Variants in CPNE5 observed in about 807,000 individuals in gnomAD.
CPNE5 encodes copine-5.
CPNE5 carries 42 observed loss-of-function variants against 81.1 expected under a neutral mutation model. The observed-to-expected ratio is 0.52, with a 90% confidence interval of 0.40 to 0.67. The LOEUF is 0.67. Ranked by LOEUF, CPNE5 falls within the 30% of genes least tolerant of loss-of-function variation. The pLI is 0.00. For missense variants in CPNE5, 612 were observed against 815.5 expected, an observed-to-expected ratio of 0.75 and a Z score of 3.04; for synonymous variants, 313 against 321.5, an observed-to-expected ratio of 0.97 and a Z score of 0.28.
chr6:36,795,232 G>A (rs1048834759), intron 6 of CPNE5, among the ~76,000 whole-genome samples: 1 of 152,174 alleles, frequency 6.6e-6, no homozygotes, highest in African/African-American at 2.4e-5. Flanking sequence ...AGGCTGGAGT[G>A]CAGTGGCGTG....
intron 8 of CPNE5, among the ~76,000 whole-genome samples, chr6:36,788,951 A>G (rs1768849752): frequency 6.6e-6 from 1 of 152,332 alleles, no homozygotes; most frequent in African/African-American, 2.4e-5. Context: ...TACTTCGGCA[A>G]AATGTATTCA....
At chr6:36,834,865 C>G (rs1468781881) in intron 1 of CPNE5, among the ~76,000 whole-genome samples, 1 of 152,112 alleles carries the variant, frequency 6.6e-6, no homozygotes, top group African/African-American at 2.4e-5. Context: ...CAGGCTCCTC[C>G]CTCCCCCAAA....
Position 36,760,217 on chromosome 6 carries a change from T to TAAA in CPNE5, c.855+2697_855+2699dup, listed in dbSNP as rs3046065. ...CCTGGGTGAGAATGAGACTCCATCT[T>TAAA]AAAAAAAAAAAAAAAGCACGCATAC... is the stretch of plus-strand genomic sequence containing the variant. On this transcript the variant is annotated intron_variant, in intron 12 of 20. Transcript: ENST00000244751. Among the ~76,000 whole-genome samples, 982 of 138,448 alleles carry TAAA rather than the reference T, an allele frequency of 7.1e-3. 7 individuals are homozygous for TAAA. The highest frequency in any genetic ancestry group is 0.01 in the Non-Finnish European group (655 of 64,760). The allele number at this position is 138,448 out of a possible 152,430, so 90.8% of individuals were successfully genotyped here. A position where few individuals can be genotyped will look rare whatever the true frequency, so the allele number is the denominator to read the frequency against.
chr6:36,808,959 A>C (rs953697734), intron 3 of CPNE5, among the ~76,000 whole-genome samples: 7 of 152,224 alleles, frequency 4.6e-5, no homozygotes, highest in African/African-American at 1.7e-4. Flanking sequence ...GAGTTGATAT[A>C]GTCACTATTC....
At chr6:36,770,404 A>G (rs146297213) in intron 10 of CPNE5, among the ~76,000 whole-genome samples, 16 of 152,354 alleles carry the variant, frequency 1.1e-4, no homozygotes, top group African/African-American at 3.8e-4. Flanking sequence ...AAGATAACGC[A>G]TTTAAACCAA....
intron 8 of CPNE5, among the ~76,000 whole-genome samples, chr6:36,781,745 A>G (rs1474050173): frequency 6.6e-6 from 1 of 152,222 alleles, no homozygotes; most frequent in African/African-American, 2.4e-5. Context: ...CCCCTGTTCA[A>G]AAACAATCAG....
At chr6:36,761,528 G>A (rs2150409550) in intron 12 of CPNE5, among the ~76,000 whole-genome samples, 1 of 152,338 alleles carries the variant, frequency 6.6e-6, no homozygotes, top group Non-Finnish European at 1.5e-5. Flanking sequence ...TTTGGATTCA[G>A]TGATGGAACT....
chr6:36,838,092 C>T (rs1561837001), intron 1 of CPNE5, among the ~76,000 whole-genome samples: 1 of 152,168 alleles, frequency 6.6e-6, no homozygotes, highest in Non-Finnish European at 1.5e-5. Flanking sequence ...ATCCCCAAGT[C>T]TTCAAGAGAA....
chr6:36,752,995 C>G (rs1582732895), intron 14 of CPNE5, 39 bp downstream of exon 14: 1 of 1,543,998 alleles, frequency 6.5e-7, no homozygotes, highest in African/African-American at 1.4e-5. Flanking sequence ...CCCTTTCCCT[C>G]TCCCCAAGGC....
chr6:36,797,397 AG>A (rs1769687179), intron 6 of CPNE5, among the ~76,000 whole-genome samples: 2 of 152,344 alleles, frequency 1.3e-5, no homozygotes, highest in African/African-American at 4.8e-5. Flanking sequence ...CAGTTAAATT[AG>A]TTTATTTAAA....
chr6:36,743,110 AG>A, intron 20 of CPNE5: 1 of 985,306 alleles, frequency 1.0e-6, no homozygotes, highest in Non-Finnish European at 1.2e-6. Flanking sequence ...TTTTAAACCA[AG>A]GGGGTATGCA....
In CPNE5 at chr6:36,746,954, A is replaced by C. The variant is rs1374455750; in HGVS notation, c.1019-377T>G. Reference sequence around the variant, plus strand: ...CCACCTCCCCCAAAATGAAACCCAAAGTCCTCACAAGAGCCCGCAAGCACT... The same window carrying C: ...CCACCTCCCCCAAAATGAAACCCAACGTCCTCACAAGAGCCCGCAAGCACT... On this transcript the variant is annotated intron_variant, in intron 15 of 20. Transcript: ENST00000244751. The surrounding 1 kb of genome is among the most constrained non-coding windows in gnomAD (Gnocchi z 4.5). Among the ~76,000 whole-genome samples, 1 of 58,780 alleles carries C rather than the reference A, an allele frequency of 1.7e-5. No individual in the cohort carries two copies. The highest frequency in any genetic ancestry group is 3.2e-5 in the Non-Finnish European group (1 of 31,020). The allele number at this position is 58,780 out of a possible 152,430, so 38.6% of individuals were successfully genotyped here.
chr6:36,778,782 C>T, intron 9 of CPNE5, 72 bp downstream of exon 9: 1 of 1,052,454 alleles, frequency 9.5e-7, no homozygotes. Flanking sequence ...TGGCAAGTCA[C>T]CACCACCCGT....
At chr6:36,790,381 G>T (rs2150502990) in intron 8 of CPNE5, among the ~76,000 whole-genome samples, 1 of 152,134 alleles carries the variant, frequency 6.6e-6, no homozygotes, top group East Asian at 1.9e-4. Context: ...GATCCGTGGG[G>T]TCAAAACTAT....
intron 3 of CPNE5, among the ~76,000 whole-genome samples, chr6:36,820,499 G>A (rs560174056): frequency 3.3e-5 from 5 of 151,890 alleles, no homozygotes; most frequent in African/African-American, 9.7e-5. Flanking sequence ...GCACCACCAC[G>A]CCTGGCTAAT....
chr6:36,776,231 T>C (rs1767487999), intron 9 of CPNE5, among the ~76,000 whole-genome samples: 2 of 152,168 alleles, frequency 1.3e-5, no homozygotes, highest in Non-Finnish European at 2.9e-5. Flanking sequence ...CAGCTACATC[T>C]CTGGTTAGAA....
intron 9 of CPNE5, among the ~76,000 whole-genome samples, chr6:36,777,766 C>CCACACACACACACACACA (rs34423091): frequency 1.8e-5 from 2 of 109,468 alleles, no homozygotes; most frequent in African/African-American, 7.9e-5. Flanking sequence ...CCCCCCCCCA[C>CCACACACACACACACACA]CACACACACA....
chr6:36,815,755 A>T (rs1771487552), intron 3 of CPNE5, among the ~76,000 whole-genome samples: 1 of 152,246 alleles, frequency 6.6e-6, no homozygotes, highest in East Asian at 1.9e-4. Context: ...TGAACCATCA[A>T]TTTCAGCTGC....
chr6:36,820,445 A>C (rs1771948765), intron 3 of CPNE5, among the ~76,000 whole-genome samples: 1 of 147,340 alleles, frequency 6.8e-6, no homozygotes, highest in South Asian at 2.1e-4. Flanking sequence ...GGATTCAAGC[A>C]ATTCTCCTGC....
Sources: allele counts gnomAD v4.1 joint callset (sites outside exome capture counted in the v4.1 genomes callset), GRCh38; gene constraint gnomAD v4.1.1; non-coding constraint Gnocchi (gnomAD v3.1); transcripts MANE v1.5; gene names NCBI Gene and HGNC (gene_info 2026-07-23, HGNC 2026-07-21).